The following SNX29 variants were observed in gnomAD, a reference collection of about 807,000 sequenced individuals.
SNX29 encodes the protein sorting nexin 29.
In SNX29, 78 loss-of-function variants were observed where a neutral mutation model predicts 102.1. The ratio of observed to expected loss-of-function variants is 0.76; its 90% CI spans 0.64 to 0.92. SNX29 has a LOEUF of 0.92. Ranked by LOEUF, SNX29 falls within the 40% of genes least tolerant of loss-of-function variation. The pLI is 0.00. For synonymous variants in SNX29, 580 were observed against 414.5 expected (o/e 1.40, Z -4.85); for missense variants, 1,280 against 1,061.7 (o/e 1.21, Z -2.86).
At chr16:12,554,215 A>AGAGCAAAACGT (rs1455371396) in intron 20 of SNX29, among the ~76,000 whole-genome samples, 2 of 152,252 alleles carry the variant, frequency 1.3e-5, no homozygotes, top group African/African-American at 2.4e-5. Context: ...GAGCATATAT[A>AGAGCAAAACGT]GAGCAAAACG....
rs139922418 is a variant in SNX29 at position 12,359,562 on chromosome 16, C to T, written c.1899+3283C>T. Among the ~76,000 whole-genome samples, 23 of 152,292 alleles carry T rather than the reference C, an allele frequency of 1.5e-4. No homozygotes were observed. The East Asian group carries it at 4.1e-3, about 27-fold the overall frequency. ...TTACATATCTGCTCCTAGTCTTTGG[C>T]TTAATCATTCACTTTAAAAGTAGAA... On this transcript the variant is annotated intron_variant, in intron 16 of 20. Coordinates refer to ENST00000566228, the MANE Select transcript of SNX29 (RefSeq NM_032167.5).
At chr16:12,552,489 G>C (rs980463343) in intron 20 of SNX29, among the ~76,000 whole-genome samples, 4 of 152,188 alleles carry the variant, frequency 2.6e-5, no homozygotes, top group South Asian at 4.1e-4. Flanking sequence ...TGGGCCTCAG[G>C]AATCTTGCTC....
At position 12,058,200 on chromosome 16, in the gene SNX29, G is replaced by T. The variant is rs377083500; in HGVS notation, c.1125-3328G>T. Among the ~76,000 whole-genome samples the T allele has an allele frequency of 4.6e-5, 7 of 152,012 alleles. No homozygotes were observed. In the South Asian group the frequency reaches 6.2e-4, roughly 14 times the overall value. On this transcript the variant is annotated intron_variant, in intron 8 of 20. Coordinates refer to ENST00000566228, the MANE Select transcript of SNX29 (RefSeq NM_032167.5). The stretch of plus-strand genomic sequence containing the variant: ...ATTACAACTGTGTAAAGAATAGTCC[G>T]CACAGCAGGAAAGAAAAAAAGACAT...
At chr16:12,192,981 C>T (rs766472614) in intron 13 of SNX29, among the ~76,000 whole-genome samples, 1 of 152,106 alleles carries the variant, frequency 6.6e-6, no homozygotes, top group Admixed American at 6.6e-5. Context: ...GGATTACAGG[C>T]GTAAGCCACT....
chr16:12,528,674 C>G (rs1030103076), intron 20 of SNX29, among the ~76,000 whole-genome samples: 1 of 152,238 alleles, frequency 6.6e-6, no homozygotes, highest in African/African-American at 2.4e-5. Flanking sequence ...GATCACCTGC[C>G]TGCATGACTA....
At chr16:12,274,023 G>T (rs2150998644) in intron 14 of SNX29, among the ~76,000 whole-genome samples, 1 of 152,270 alleles carries the variant, frequency 6.6e-6, no homozygotes, top group Middle Eastern at 3.4e-3. Flanking sequence ...TTGTTACTAT[G>T]AAGTATTCTC....
chr16:12,294,494 C>T (rs1221785025), intron 15 of SNX29, among the ~76,000 whole-genome samples: 1 of 152,186 alleles, frequency 6.6e-6, no homozygotes, highest in Non-Finnish European at 1.5e-5. Context: ...ACCCTGTCTA[C>T]TCCCAGGCCT....
intron 14 of SNX29, among the ~76,000 whole-genome samples, chr16:12,209,378 C>T (rs376571382): frequency 6.6e-5 from 10 of 152,134 alleles, no homozygotes; most frequent in East Asian, 3.9e-4. Flanking sequence ...TTAGTAGAGA[C>T]GGGGTTTTGC....
chr16:12,430,853 T>C (rs1217352911), intron 18 of SNX29, among the ~76,000 whole-genome samples: 2 of 116,208 alleles, frequency 1.7e-5, no homozygotes, highest in African/African-American at 1.0e-4. Context: ...TGACGCAGTC[T>C]TTTTTTTTTT....
intron 15 of SNX29, among the ~76,000 whole-genome samples, chr16:12,354,064 C>A (rs7195024): frequency 0.7 from 106,930 of 152,128 alleles, 39,307 homozygotes; most frequent in African/African-American, 0.92. Flanking sequence ...AACAGGAACT[C>A]TTTGTGATCT....
At chr16:12,284,723 T>C (rs1335032586) in intron 15 of SNX29, among the ~76,000 whole-genome samples, 3 of 147,758 alleles carry the variant, frequency 2.0e-5, no homozygotes, top group African/African-American at 7.7e-5. Context: ...TTCGGTTCCT[T>C]TTTTTTTTTT....
intron 3 of SNX29, among the ~76,000 whole-genome samples, chr16:12,009,700 G>C (rs2056584465): frequency 2.0e-5 from 3 of 152,050 alleles, no homozygotes; most frequent in Non-Finnish European, 4.4e-5. Flanking sequence ...TTCTAGCTCT[G>C]TTTTTCTCTA....
intron 20 of SNX29, among the ~76,000 whole-genome samples, chr16:12,531,700 G>C (rs2076936844): frequency 6.6e-6 from 1 of 152,192 alleles, no homozygotes; most frequent in Non-Finnish European, 1.5e-5. Flanking sequence ...AGGTCAAGGG[G>C]ACAAGGAGGG....
At chr16:12,509,268 C>T (rs552247616) in intron 19 of SNX29, among the ~76,000 whole-genome samples, 8 of 152,262 alleles carry the variant, frequency 5.3e-5, no homozygotes, top group Admixed American at 2.6e-4. Flanking sequence ...GGCATTCACT[C>T]GGTGATCACA....
At chr16:12,520,568 A>C (rs1013903091) in intron 19 of SNX29, among the ~76,000 whole-genome samples, 1 of 152,200 alleles carries the variant, frequency 6.6e-6, no homozygotes, top group African/African-American at 2.4e-5. Context: ...ACAGACATCA[A>C]TGGATAAAGA....
intron 10 of SNX29, among the ~76,000 whole-genome samples, chr16:12,078,618 A>G (rs2051705425): frequency 6.6e-6 from 1 of 152,224 alleles, no homozygotes; most frequent in Admixed American, 6.5e-5. Flanking sequence ...AAGCACCTCA[A>G]GTATTGACTT....
chr16:12,016,875 C>A (rs756836201), intron 3 of SNX29, among the ~76,000 whole-genome samples: 1 of 152,020 alleles, frequency 6.6e-6, no homozygotes, highest in Non-Finnish European at 1.5e-5. Context: ...ACCTATAATT[C>A]TAGCACTTTG....
At chr16:12,517,738 G>T in intron 19 of SNX29, among the ~76,000 whole-genome samples, 1 of 152,168 alleles carries the variant, frequency 6.6e-6, no homozygotes, top group East Asian at 1.9e-4. Flanking sequence ...GAGTCCTGCA[G>T]TGAAGGAATG....
chr16:12,164,786 C>T (rs2055942722), intron 13 of SNX29, among the ~76,000 whole-genome samples: 1 of 146,240 alleles, frequency 6.8e-6, no homozygotes, highest in African/African-American at 2.6e-5. Flanking sequence ...CTCCCGGGTT[C>T]AAGCAGCTCT....
Sources: gnomAD v4.1 joint callset for allele counts (sites outside exome capture counted in the v4.1 genomes callset) on GRCh38, gnomAD v4.1.1 for gene constraint, MANE v1.5 for transcripts, NCBI Gene and HGNC (gene_info 2026-07-23, HGNC 2026-07-21) for gene names.